Variants in GLCCI1 observed in about 807,000 individuals in gnomAD.
The protein encoded by GLCCI1 is glucocorticoid induced 1, also known as glucocorticoid-induced transcript 1 protein.
Under a neutral mutation model 52.2 loss-of-function variants are expected in GLCCI1, and 24 were observed. The ratio of observed to expected loss-of-function variants is 0.46; its 90% CI spans 0.33 to 0.65. The LOEUF (loss-of-function observed/expected upper bound fraction) is 0.65. Ranked by LOEUF, GLCCI1 falls within the 30% of genes least tolerant of loss-of-function variation. The probability of loss-of-function intolerance (pLI) is 0.02; values close to 1 mark genes in which losing one functional copy is unlikely to be tolerated. For missense variants in GLCCI1, 704 were observed against 701.5 expected, an observed-to-expected ratio of 1.00 and a Z score of -0.04; for synonymous variants, 310 against 276.5, an observed-to-expected ratio of 1.12 and a Z score of -1.20.
intron 3 of GLCCI1, among the ~76,000 whole-genome samples, chr7:8,023,897 C>T (rs1583980373): frequency 6.6e-6 from 1 of 151,982 alleles, no homozygotes; most frequent in Admixed American, 6.6e-5. Flanking sequence ...CCACACCAGG[C>T]CATGATCATT....
chr7:8,088,756 T>C lies in GLCCI1; in HGVS notation c.*2218T>C, dbSNP rs1482713995. On this transcript the variant is annotated 3_prime_UTR_variant, in exon 8 of 8. Transcript: ENST00000223145. Reference sequence around the variant, plus strand: ...GATGTGCTTTTATTTTCTCATGAGATACTAAATATTAATTGTGTTGTACAT... The same window carrying C: ...GATGTGCTTTTATTTTCTCATGAGACACTAAATATTAATTGTGTTGTACAT... The C allele has an allele frequency of 2.0e-5, 3 of 152,658 alleles. No individual in the cohort carries two copies. Among genetic ancestry groups the C allele is most frequent in the Non-Finnish European group, 2.9e-5 (2 of 68,042 alleles). 9.5% of individuals were successfully genotyped at this position (152,658 alleles called of 1,614,324 possible). A position where few individuals can be genotyped will look rare whatever the true frequency, so the allele number is the denominator to read the frequency against.
chr7:8,007,040 C>T (rs1235968580), intron 2 of GLCCI1, among the ~76,000 whole-genome samples: 3 of 152,176 alleles, frequency 2.0e-5, no homozygotes, highest in African/African-American at 4.8e-5. Context: ...GGGCTCATAA[C>T]GTCCATGCTC....
chr7:7,989,277 C>A (rs1780794763), intron 1 of GLCCI1, among the ~76,000 whole-genome samples: 1 of 152,048 alleles, frequency 6.6e-6, no homozygotes, highest in African/African-American at 2.4e-5. Flanking sequence ...GAAAATTAAC[C>A]TTGGGAGTTC....
chr7:8,004,344 G>A lies in GLCCI1; in HGVS notation c.609+285G>A, dbSNP rs1360804919. On this transcript the variant is annotated intron_variant, in intron 2 of 7. Coordinates refer to ENST00000223145, the MANE Select transcript of GLCCI1 (RefSeq NM_138426.4). The stretch of plus-strand genomic sequence containing the variant: ...ATTGCTTTCCAATACAAATTAAAAT[G>A]ACTGGTAACCATTTTAGAAAATATA... 3.9e-5 allele frequency: 9 copies of A among 230,484 alleles called. No individual in the cohort carries two copies. In the South Asian group the frequency reaches 4.8e-4, roughly 12 times the overall value. The allele number at this position is 230,484 out of a possible 1,614,324, so 14.3% of individuals were successfully genotyped here.
At chr7:8,043,774 T>TTTTC (rs1782056090) in intron 3 of GLCCI1, among the ~76,000 whole-genome samples, 3 of 152,206 alleles carry the variant, frequency 2.0e-5, no homozygotes, top group Non-Finnish European at 4.4e-5. Context: ...AAAAGACTAA[T>TTTTC]GTGATTTTCA....
intron 1 of GLCCI1, among the ~76,000 whole-genome samples, chr7:7,977,210 G>A (rs530409511): frequency 1.3e-5 from 2 of 152,156 alleles, no homozygotes; most frequent in Non-Finnish European, 2.9e-5. Flanking sequence ...AGACATAAAC[G>A]AACTCCTTGT....
At chr7:8,053,572 G>A (rs992641159) in intron 3 of GLCCI1, among the ~76,000 whole-genome samples, 2 of 149,904 alleles carry the variant, frequency 1.3e-5, no homozygotes, top group Non-Finnish European at 3.0e-5. Flanking sequence ...TGATCCACCT[G>A]CCTCAGCCTC....
At chr7:8,058,636 A>G (rs1346963230) in intron 4 of GLCCI1, among the ~76,000 whole-genome samples, 1 of 152,204 alleles carries the variant, frequency 6.6e-6, no homozygotes, top group Non-Finnish European at 1.5e-5. Context: ...CATACACAAA[A>G]GTAAATCATG....
intron 1 of GLCCI1, among the ~76,000 whole-genome samples, chr7:7,978,171 C>T (rs1474441942): frequency 6.6e-6 from 1 of 152,096 alleles, no homozygotes; most frequent in Non-Finnish European, 1.5e-5. Flanking sequence ...CAGAATTTAG[C>T]ATTTTATTTT....
chr7:8,019,201 A>G (rs546919987), intron 2 of GLCCI1, among the ~76,000 whole-genome samples: 5 of 152,312 alleles, frequency 3.3e-5, no homozygotes, highest in Admixed American at 1.3e-4. Flanking sequence ...AGTATTGGAA[A>G]TGTTCTATAT....
intron 3 of GLCCI1, among the ~76,000 whole-genome samples, chr7:8,039,693 T>C (rs760978462): frequency 3.3e-5 from 5 of 152,106 alleles, no homozygotes; most frequent in African/African-American, 4.8e-5. Flanking sequence ...TAGGTGATGG[T>C]TCCACTAAAA....
intron 3 of GLCCI1, among the ~76,000 whole-genome samples, chr7:8,025,165 C>G (rs1403507463): frequency 1.3e-5 from 2 of 152,112 alleles, no homozygotes; most frequent in African/African-American, 4.8e-5. Flanking sequence ...ACATGCACAT[C>G]AGAGAACAGA....
intron 3 of GLCCI1, among the ~76,000 whole-genome samples, chr7:8,041,333 T>G (rs1023592023): frequency 6.6e-6 from 1 of 152,164 alleles, no homozygotes; most frequent in African/African-American, 2.4e-5. Flanking sequence ...AGACATTGGT[T>G]CTGAGGTTTA....
At chr7:8,020,911 C>G (rs1278581528) in intron 2 of GLCCI1, among the ~76,000 whole-genome samples, 1 of 152,104 alleles carries the variant, frequency 6.6e-6, no homozygotes, top group Admixed American at 6.5e-5. Flanking sequence ...AGTACGTCAT[C>G]TTATCTAGGA....
At chr7:8,012,107 G>T (rs906087921) in intron 2 of GLCCI1, among the ~76,000 whole-genome samples, 7 of 151,838 alleles carry the variant, frequency 4.6e-5, no homozygotes, top group Non-Finnish European at 8.8e-5. Flanking sequence ...GAGTCACCGT[G>T]CCCAGCCAGG....
At chr7:7,999,232 T>C (rs542059168) in intron 1 of GLCCI1, among the ~76,000 whole-genome samples, 1 of 152,134 alleles carries the variant, frequency 6.6e-6, no homozygotes, top group East Asian at 1.9e-4. Flanking sequence ...ATAGAGTAAA[T>C]AAGTAAAAGT....
chr7:8,069,563 G>C (rs1249976646), intron 5 of GLCCI1, among the ~76,000 whole-genome samples: 1 of 152,084 alleles, frequency 6.6e-6, no homozygotes, highest in Non-Finnish European at 1.5e-5. Context: ...GGTGAAAGGT[G>C]GGGTGCCGAG....
At chr7:7,987,031 T>C (rs973209401) in intron 1 of GLCCI1, among the ~76,000 whole-genome samples, 2 of 152,194 alleles carry the variant, frequency 1.3e-5, no homozygotes, top group African/African-American at 4.8e-5. Context: ...TTGTCTTGCA[T>C]CTTTAATGTA....
At chr7:8,062,233 T>G (rs1296733896) in intron 5 of GLCCI1, among the ~76,000 whole-genome samples, 1 of 152,220 alleles carries the variant, frequency 6.6e-6, no homozygotes, top group Admixed American at 6.5e-5. Flanking sequence ...GATTTATGAT[T>G]AAGTGTACCT....
Sources: allele counts gnomAD v4.1 joint callset (sites outside exome capture counted in the v4.1 genomes callset), GRCh38; gene constraint gnomAD v4.1.1; transcripts MANE v1.5; gene names NCBI Gene and HGNC (gene_info 2026-07-23, HGNC 2026-07-21).